The following PSEN1 variants were observed in gnomAD, a reference collection of about 807,000 sequenced individuals.
PSEN1 encodes presenilin 1.
PSEN1 carries 15 observed loss-of-function variants against 53.5 expected under a neutral mutation model. The ratio of observed to expected loss-of-function variants is 0.28; its 90% confidence interval spans 0.19 to 0.43. The LOEUF (loss-of-function observed/expected upper bound fraction) is 0.43, where lower values mean the gene tolerates loss of function less well. Ranked by LOEUF, PSEN1 falls within the 20% of genes least tolerant of loss-of-function variation. PSEN1 has a pLI of 1.00. For synonymous variants in PSEN1, 208 were observed against 209.8 expected, an observed-to-expected ratio of 0.99 and a Z score of 0.08; for missense variants, 387 against 571.2, an observed-to-expected ratio of 0.68 and a Z score of 3.29.
intron 3 of PSEN1, among the ~76,000 whole-genome samples, chr14:73,155,829 A>G (rs1476376322): frequency 6.6e-6 from 1 of 152,176 alleles, no homozygotes; most frequent in Non-Finnish European, 1.5e-5. Flanking sequence ...TGATACTGTA[A>G]TCATGGAAAC....
chr14:73,207,121 A>G (rs1899485831), intron 9 of PSEN1, among the ~76,000 whole-genome samples: 1 of 152,106 alleles, frequency 6.6e-6, no homozygotes, highest in South Asian at 2.1e-4. Flanking sequence ...GTTCCGGATT[A>G]CCCTGGGCAA....
At chr14:73,218,094 T>G (rs886168567) in intron 11 of PSEN1, among the ~76,000 whole-genome samples, 2 of 143,704 alleles carry the variant, frequency 1.4e-5, no homozygotes, top group African/African-American at 5.2e-5. Context: ...GGCTTTTTTT[T>G]TTTTTTTTTT....
chr14:73,190,483 T>C (rs61986893), intron 6 of PSEN1, among the ~76,000 whole-genome samples: 1 of 135,512 alleles, frequency 7.4e-6, no homozygotes. Context: ...CTTGTCTCTA[T>C]TTAAAAAAAA....
At chr14:73,144,335 C>T (rs1897010882) in intron 1 of PSEN1, among the ~76,000 whole-genome samples, 1 of 152,046 alleles carries the variant, frequency 6.6e-6, no homozygotes, top group African/African-American at 2.4e-5. Flanking sequence ...CCACTGCGCC[C>T]AGCCAGCTTA....
At chr14:73,144,667 A>C (rs955275392) in intron 1 of PSEN1, among the ~76,000 whole-genome samples, 2 of 152,196 alleles carry the variant, frequency 1.3e-5, no homozygotes, top group African/African-American at 4.8e-5. Flanking sequence ...GGATAAAGGG[A>C]ATATCATAAA....
At chr14:73,143,129 A>C (rs576082851) in intron 1 of PSEN1, among the ~76,000 whole-genome samples, 1 of 152,170 alleles carries the variant, frequency 6.6e-6, no homozygotes, top group Non-Finnish European at 1.5e-5. Context: ...ACCGCCATGC[A>C]ATCCTCAATT....
At chr14:73,191,829 G>C (rs568262304) in intron 6 of PSEN1, among the ~76,000 whole-genome samples, 1 of 152,170 alleles carries the variant, frequency 6.6e-6, no homozygotes. Context: ...ATTAGAGTGT[G>C]AGCCACTGTG....
chr14:73,154,699 C>T (rs1014386249), intron 3 of PSEN1, among the ~76,000 whole-genome samples: 2 of 152,170 alleles, frequency 1.3e-5, no homozygotes, highest in Non-Finnish European at 2.9e-5. Flanking sequence ...TCCCAATATA[C>T]ATAGAATTCT....
intron 6 of PSEN1, among the ~76,000 whole-genome samples, chr14:73,190,838 G>T (rs1898688118): frequency 6.6e-6 from 1 of 152,206 alleles, no homozygotes; most frequent in African/African-American, 2.4e-5. Context: ...CCTGGCCAAA[G>T]ATTAATAAAT....
intron 1 of PSEN1, among the ~76,000 whole-genome samples, chr14:73,141,851 A>G (rs61986865): frequency 0.056 from 8,527 of 152,210 alleles, 323 homozygotes; most frequent in Non-Finnish European, 0.088. Flanking sequence ...GCAGATCACG[A>G]GGTCAGGAGA....
chr14:73,187,635 A>C (rs1384307793), intron 6 of PSEN1, among the ~76,000 whole-genome samples: 1 of 152,230 alleles, frequency 6.6e-6, no homozygotes, highest in African/African-American at 2.4e-5. Flanking sequence ...AGAGTAAAGA[A>C]GAGGTACAGA....
chr14:73,214,207 G>A (rs1899816367), intron 10 of PSEN1, among the ~76,000 whole-genome samples: 1 of 151,920 alleles, frequency 6.6e-6, no homozygotes. Flanking sequence ...CATGTTGGCT[G>A]TGGGAAGTAT....
At chr14:73,161,929 C>T (rs1440364117) in intron 3 of PSEN1, among the ~76,000 whole-genome samples, 6 of 140,700 alleles carry the variant, frequency 4.3e-5, no homozygotes, top group African/African-American at 1.0e-4. Flanking sequence ...CTGAGGCGGG[C>T]GGATCACCTG....
intron 3 of PSEN1, 24 bp downstream of exon 3, chr14:73,148,130 G>A: frequency 6.4e-7 from 1 of 1,569,792 alleles, no homozygotes; most frequent in South Asian, 1.1e-5. Context: ...CTCTGAAACT[G>A]CCTTTGCCAG....
At chr14:73,153,782 G>A (rs780028694) in intron 3 of PSEN1, among the ~76,000 whole-genome samples, 6 of 145,342 alleles carry the variant, frequency 4.1e-5, no homozygotes, top group African/African-American at 7.7e-5. Context: ...GTGCGATCTC[G>A]GCTCACTGCA....
chr14:73,144,189 C>T (rs1324863087), intron 1 of PSEN1, among the ~76,000 whole-genome samples: 3 of 151,670 alleles, frequency 2.0e-5, no homozygotes, highest in East Asian at 1.9e-4. Flanking sequence ...TACAGGTGCA[C>T]GTCACCATGC....
chr14:73,185,461 G>A (rs566447360), intron 5 of PSEN1, among the ~76,000 whole-genome samples: 4 of 152,310 alleles, frequency 2.6e-5, no homozygotes, highest in South Asian at 4.1e-4. Flanking sequence ...CAGGCGTGGC[G>A]GCGTGAGTCT....
chr14:73,205,887 A>C (rs957423732), intron 8 of PSEN1, among the ~76,000 whole-genome samples: 2 of 152,194 alleles, frequency 1.3e-5, no homozygotes, highest in African/African-American at 4.8e-5. Flanking sequence ...TATCCCTATT[A>C]TGTTTATTGC....
chr14:73,197,926 CA>C, intron 7 of PSEN1, 104 bp from the exon 8 acceptor site: 1 of 677,440 alleles, frequency 1.5e-6, no homozygotes, highest in Non-Finnish European at 2.7e-6. Flanking sequence ...TAAAAAGAGA[CA>C]AAAAACATTA....
Sources: allele counts gnomAD v4.1 joint callset (sites outside exome capture counted in the v4.1 genomes callset), GRCh38; gene constraint gnomAD v4.1.1; transcripts MANE v1.5; gene names NCBI Gene and HGNC (gene_info 2026-07-23, HGNC 2026-07-21).